Variants in PSD3 observed in about 807,000 individuals in gnomAD.
The protein encoded by PSD3 is PH and SEC7 domain-containing protein 3.
Under a neutral mutation model 105.5 loss-of-function variants are expected in PSD3, and 49 were observed. The observed-to-expected ratio is 0.46, with a 90% CI of 0.37 to 0.59. The LOEUF (loss-of-function observed/expected upper bound fraction) is 0.59. PSD3 is among the 20% of genes least tolerant of loss of function. PSD3 has a pLI of 0.00. For missense variants in PSD3, 1,561 were observed against 1,263.8 expected (o/e 1.24, Z -3.57); for synonymous variants, 557 against 457.8 (o/e 1.22, Z -2.77).
At chr8:18,759,593 C>T (rs1461280740) in intron 9 of PSD3, among the ~76,000 whole-genome samples, 1 of 152,048 alleles carries the variant, frequency 6.6e-6, no homozygotes, top group African/African-American at 2.4e-5. Flanking sequence ...AAAGATCTAA[C>T]AATGACTGGA....
intron 9 of PSD3, among the ~76,000 whole-genome samples, chr8:18,758,496 T>C (rs1806247244): frequency 6.6e-6 from 1 of 152,062 alleles, no homozygotes; most frequent in African/African-American, 2.4e-5. Flanking sequence ...GGTTTGAACT[T>C]ACAAAAATGG....
chr8:19,003,754 G>T (rs1826522014), intron 1 of PSD3, among the ~76,000 whole-genome samples: 2 of 151,730 alleles, frequency 1.3e-5, no homozygotes, highest in African/African-American at 2.4e-5. Flanking sequence ...GGGGGTGGGG[G>T]GTTGGGGACT....
In PSD3 at chr8:18,529,153, G is replaced by A. The variant is rs1799537209; in HGVS notation, c.*6590C>T. Reference sequence around the variant, plus strand: ...GACTTCACCCAGGCTACGGAGAGATGCTGGAGAGCTGCTGCTTGTGAATTA... The same window carrying A: ...GACTTCACCCAGGCTACGGAGAGATACTGGAGAGCTGCTGCTTGTGAATTA... On this transcript the variant is annotated 3_prime_UTR_variant, in exon 16 of 16. Transcript: ENST00000327040. The A allele has an allele frequency of 6.6e-6, 1 of 152,220 alleles. No individual in the cohort carries two copies. Among genetic ancestry groups the A allele is most frequent in the African/African-American group, 2.4e-5 (1 of 41,454 alleles). 9.4% of individuals were successfully genotyped at this position (152,220 alleles called of 1,614,324 possible).
At chr8:18,984,371 G>A (rs1825393932) in intron 1 of PSD3, among the ~76,000 whole-genome samples, 1 of 151,898 alleles carries the variant, frequency 6.6e-6, no homozygotes, top group Non-Finnish European at 1.5e-5. Flanking sequence ...CTAACATAAT[G>A]TCTTTACATT....
chr8:18,862,355 T>C (rs1816514327), intron 4 of PSD3, among the ~76,000 whole-genome samples: 1 of 143,036 alleles, frequency 7.0e-6, no homozygotes. Flanking sequence ...CCCACATCAC[T>C]GAGCAGGAAC....
intron 1 of PSD3, among the ~76,000 whole-genome samples, chr8:19,067,753 T>A (rs776796874): frequency 2.6e-5 from 4 of 152,170 alleles, no homozygotes; most frequent in African/African-American, 9.7e-5. Context: ...CCCACAGCAG[T>A]TGCGTCTGCA....
At chr8:19,026,020 T>G (rs890783034) in intron 1 of PSD3, among the ~76,000 whole-genome samples, 2 of 152,172 alleles carry the variant, frequency 1.3e-5, no homozygotes, top group Middle Eastern at 3.2e-3. Flanking sequence ...AAGTCACATC[T>G]TACATGGTAG....
intron 2 of PSD3, among the ~76,000 whole-genome samples, chr8:18,916,349 T>C (rs2638617): frequency 0.59 from 25,601 of 43,300 alleles, 7,712 homozygotes; most frequent in African/African-American, 0.7. Flanking sequence ...TATATATATA[T>C]ACACACACAC....
intron 2 of PSD3, among the ~76,000 whole-genome samples, chr8:18,923,333 T>C (rs1052432224): frequency 1.1e-4 from 17 of 152,318 alleles, no homozygotes; most frequent in African/African-American, 3.6e-4. Flanking sequence ...AGCCCCATTC[T>C]AAAGCCACAT....
intron 1 of PSD3, among the ~76,000 whole-genome samples, chr8:18,991,901 T>C (rs900766989): frequency 2.0e-5 from 3 of 152,156 alleles, no homozygotes; most frequent in African/African-American, 7.2e-5. Context: ...ACAATCACGA[T>C]TTCCCTTAAA....
chr8:18,784,319 T>C (rs550579688), intron 8 of PSD3, among the ~76,000 whole-genome samples: 1 of 151,984 alleles, frequency 6.6e-6, no homozygotes, highest in Non-Finnish European at 1.5e-5. Context: ...CGGCTTATTA[T>C]GTGTTCAGAA....
At chr8:18,765,327 C>T in intron 9 of PSD3, 122 bp downstream of exon 9, 1 of 801,850 alleles carries the variant, frequency 1.2e-6, no homozygotes, top group Non-Finnish European at 2.1e-6. Context: ...AAAGAAACAT[C>T]ACCAATAAAA....
chr8:18,642,856 T>C (rs1225075733), intron 10 of PSD3, among the ~76,000 whole-genome samples: 4 of 152,188 alleles, frequency 2.6e-5, no homozygotes, highest in Non-Finnish European at 4.4e-5. Flanking sequence ...TTAAAAAAAT[T>C]TGGCCTTTTA....
At chr8:19,013,463 G>T (rs1412583897) in intron 1 of PSD3, 100 bp downstream of exon 1, 2 of 1,520,566 alleles carry the variant, frequency 1.3e-6, no homozygotes, top group East Asian at 2.5e-5. Flanking sequence ...GTGGCCCCGG[G>T]ATCCTGGGGG....
chr8:18,690,699 C>T (rs746001600), intron 9 of PSD3, among the ~76,000 whole-genome samples: 1 of 152,354 alleles, frequency 6.6e-6, no homozygotes, highest in Non-Finnish European at 1.5e-5. Context: ...CTAAACGGGA[C>T]TCAGACCCTT....
At chr8:18,829,021 G>A (rs1404548896) in intron 4 of PSD3, among the ~76,000 whole-genome samples, 2 of 152,086 alleles carry the variant, frequency 1.3e-5, no homozygotes, top group African/African-American at 4.8e-5. Context: ...GCAGTGAACA[G>A]AGGTTGCTGC....
At chr8:19,047,087 C>T (rs764853179) in intron 1 of PSD3, among the ~76,000 whole-genome samples, 2 of 152,208 alleles carry the variant, frequency 1.3e-5, no homozygotes, top group Non-Finnish European at 2.9e-5. Context: ...CAGCAGGCCT[C>T]TTATTCCTCT....
intron 14 of PSD3, among the ~76,000 whole-genome samples, chr8:18,564,115 T>C (rs115031729): frequency 0.28 from 42,180 of 151,694 alleles, 5,958 homozygotes; most frequent in East Asian, 0.41. Context: ...CTTCTTCTTT[T>C]TTTTTTTTAA....
intron 8 of PSD3, among the ~76,000 whole-genome samples, chr8:18,782,182 G>C (rs779329464): frequency 6.6e-6 from 1 of 151,650 alleles, no homozygotes; most frequent in Non-Finnish European, 1.5e-5. Context: ...TTTAATATTG[G>C]CATCTGTTGC....
Sources: allele counts gnomAD v4.1 joint callset (sites outside exome capture counted in the v4.1 genomes callset), GRCh38; gene constraint gnomAD v4.1.1; transcripts MANE v1.5; gene names NCBI Gene and HGNC (gene_info 2026-07-23, HGNC 2026-07-21).